MGAT5: variants seen among roughly 807,000 people sequenced by gnomAD.
The protein encoded by MGAT5 is alpha-1,6-mannosylglycoprotein 6-beta-N-acetylglucosaminyltransferase A.
A neutral mutation model predicts 94.3 loss-of-function variants in MGAT5; 30 were observed. The observed-to-expected ratio is 0.32, with a 90% CI of 0.24 to 0.43. The LOEUF (loss-of-function observed/expected upper bound fraction) is 0.43. Among genes scored for constraint, MGAT5 ranks in the 20% least tolerant of loss-of-function variants. MGAT5 has a pLI of 1.00. For missense variants in MGAT5, 691 were observed against 905.5 expected, an observed-to-expected ratio of 0.76 and a Z score of 3.04; for synonymous variants, 310 against 322.9, an observed-to-expected ratio of 0.96 and a Z score of 0.43.
chr2:134,313,111 T>G (rs1427587992), intron 2 of MGAT5, among the ~76,000 whole-genome samples: 1 of 151,764 alleles, frequency 6.6e-6, no homozygotes, highest in Non-Finnish European at 1.5e-5. Context: ...TGGTTTCATA[T>G]TTCTTTGTCC....
intron 11 of MGAT5, among the ~76,000 whole-genome samples, chr2:134,409,124 A>G (rs1683502840): frequency 6.6e-6 from 1 of 152,224 alleles, no homozygotes; most frequent in Non-Finnish European, 1.5e-5. Flanking sequence ...TCTAAATGAT[A>G]TAAGGCCATG....
chr2:134,139,276 C>T (rs1310249220), intron 1 of MGAT5, among the ~76,000 whole-genome samples: 1 of 152,174 alleles, frequency 6.6e-6, no homozygotes, highest in Non-Finnish European at 1.5e-5. Flanking sequence ...ATCTCATATC[C>T]AGGGCAAACA....
upstream of MGAT5, chr2:134,253,228 C>T (rs551191199): frequency 8.0e-4 from 122 of 152,322 alleles, no homozygotes; most frequent in African/African-American, 2.9e-3. Flanking sequence ...TGTATGTACA[C>T]TCTGAAGTAC....
At chr2:134,130,359 C>T (rs913095444) in intron 1 of MGAT5, among the ~76,000 whole-genome samples, 14 of 152,338 alleles carry the variant, frequency 9.2e-5, no homozygotes, top group South Asian at 4.1e-4. Context: ...TCTGCTGCGC[C>T]GGGTCCCATT....
chr2:134,266,351 G>T (rs1683714769), intron 1 of MGAT5, among the ~76,000 whole-genome samples: 1 of 152,028 alleles, frequency 6.6e-6, no homozygotes, highest in Admixed American at 6.5e-5. Context: ...TTTCCGAGTA[G>T]TTGGGACTAC....
At chr2:134,207,765 C>G (rs1680085279) in intron 1 of MGAT5, among the ~76,000 whole-genome samples, 1 of 152,178 alleles carries the variant, frequency 6.6e-6, no homozygotes, top group South Asian at 2.1e-4. Context: ...ATCATTTGTG[C>G]TCTTGCCATC....
At chr2:134,446,228 C>T (rs1317128732) in intron 15 of MGAT5, among the ~76,000 whole-genome samples, 2 of 152,172 alleles carry the variant, frequency 1.3e-5, no homozygotes, top group South Asian at 2.1e-4. Context: ...CACAGACACA[C>T]GCTCATGTGT....
upstream of MGAT5, among the ~76,000 whole-genome samples, chr2:134,252,265 C>T (rs539761546): frequency 2.6e-5 from 4 of 152,066 alleles, no homozygotes; most frequent in East Asian, 3.9e-4. Context: ...GAGGAGCAGC[C>T]GAGTGAAGAA....
chr2:134,213,328 C>G (rs1001796696), intron 1 of MGAT5, among the ~76,000 whole-genome samples: 2 of 151,624 alleles, frequency 1.3e-5, no homozygotes, highest in African/African-American at 4.8e-5. Context: ...GGAGCCCCCC[C>G]GCCCCCCACT....
At chr2:134,340,040 G>A (rs922791631) in intron 6 of MGAT5, among the ~76,000 whole-genome samples, 4 of 152,164 alleles carry the variant, frequency 2.6e-5, no homozygotes, top group African/African-American at 7.2e-5. Flanking sequence ...CAGTGTGGAA[G>A]AGAAGAATTA....
At chr2:134,213,861 G>A (rs966216226) in intron 1 of MGAT5, among the ~76,000 whole-genome samples, 1 of 152,154 alleles carries the variant, frequency 6.6e-6, no homozygotes, top group Non-Finnish European at 1.5e-5. Flanking sequence ...CAGCAACCTG[G>A]AAGTTCCCTG....
chr2:134,275,507 T>C lies in MGAT5; in HGVS notation c.406+4957T>C, dbSNP rs561448140. The stretch of plus-strand genomic sequence containing the variant: ...AGCAGTGATTAACAGCTGTGGGCGA[T>C]TTTGCCCCCAGGGGACACATGTCAA... On this transcript the variant is annotated intron_variant, in intron 2 of 15. Transcript: ENST00000281923. Among the ~76,000 whole-genome samples, 7 of 152,198 alleles carry C rather than the reference T, an allele frequency of 4.6e-5. No homozygotes were observed. The South Asian group carries it at 1.5e-3, about 32-fold the overall frequency.
intron 5 of MGAT5, among the ~76,000 whole-genome samples, chr2:134,336,925 T>C (rs1259012769): frequency 6.6e-6 from 1 of 152,192 alleles, no homozygotes; most frequent in Non-Finnish European, 1.5e-5. Context: ...CTTTAGACCA[T>C]AGATCACTAA....
intron 4 of MGAT5, among the ~76,000 whole-genome samples, chr2:134,323,471 A>G (rs1687449460): frequency 6.6e-6 from 1 of 152,068 alleles, no homozygotes; most frequent in African/African-American, 2.4e-5. Flanking sequence ...GCTATACACA[A>G]TCTTATTTAA....
chr2:134,390,972 C>G (rs1682368049), intron 10 of MGAT5, among the ~76,000 whole-genome samples: 1 of 152,136 alleles, frequency 6.6e-6, no homozygotes, highest in Non-Finnish European at 1.5e-5. Flanking sequence ...CCCTAAAGGT[C>G]TTCGTTTCTT....
chr2:134,318,637 C>T lies in MGAT5; in HGVS notation c.484-13C>T, dbSNP rs374407586. On this transcript the variant is annotated splice_polypyrimidine_tract_variant and intron_variant, in intron 3 of 15. Coordinates refer to ENST00000281923, the MANE Select transcript of MGAT5 (RefSeq NM_002410.5). ...TGTGAATGGGCTGCTCAGAGATGTT[C>T]TTCTTGTTTCAGTGGATGAAAGACA... 36 of 1,607,514 alleles carry T rather than the reference C, an allele frequency of 2.2e-5. No individual in the cohort carries two copies. In the Admixed American group the frequency reaches 2.7e-4, roughly 12 times the overall value.
At chr2:134,442,267 G>GTA (rs1327218032) in intron 15 of MGAT5, among the ~76,000 whole-genome samples, 2 of 152,152 alleles carry the variant, frequency 1.3e-5, no homozygotes, top group African/African-American at 2.4e-5. Flanking sequence ...AGAGCCACAG[G>GTA]TATAGATGGA....
chr2:134,425,217 G>A (rs914206423), intron 13 of MGAT5, among the ~76,000 whole-genome samples: 5 of 152,118 alleles, frequency 3.3e-5, no homozygotes, highest in Admixed American at 6.6e-5. Context: ...AGTAATAATG[G>A]TATTAACACA....
intron 1 of MGAT5, among the ~76,000 whole-genome samples, chr2:134,259,248 C>T (rs908920093): frequency 1.8e-4 from 27 of 152,210 alleles, no homozygotes; most frequent in Admixed American, 1.8e-3. Flanking sequence ...ATCTGCATCT[C>T]CCAGCCAGTG....
Sources: allele counts gnomAD v4.1 joint callset (sites outside exome capture counted in the v4.1 genomes callset), GRCh38; gene constraint gnomAD v4.1.1; transcripts MANE v1.5; gene names NCBI Gene and HGNC (gene_info 2026-07-23, HGNC 2026-07-21).